Variants in NRCAM observed in about 807,000 individuals in gnomAD.
NRCAM encodes the protein NgCAM-related cell adhesion molecule.
A neutral mutation model predicts 156.5 loss-of-function variants in NRCAM; 83 were observed. The observed-to-expected ratio is 0.53, with a 90% CI of 0.44 to 0.64. The LOEUF is 0.64. Among genes scored for constraint, NRCAM ranks in the 30% least tolerant of loss-of-function variants. The probability of loss-of-function intolerance (pLI) is 0.00; values close to 1 mark genes in which losing one functional copy is unlikely to be tolerated. For missense variants in NRCAM, 1,417 were observed against 1,597.3 expected (o/e 0.89, Z 1.92); for synonymous variants, 538 against 563.9 (o/e 0.95, Z 0.65).
At chr7:108,393,182 G>C (rs1369775096) in intron 2 of NRCAM, among the ~76,000 whole-genome samples, 2 of 152,182 alleles carry the variant, frequency 1.3e-5, no homozygotes, top group Admixed American at 1.3e-4. Flanking sequence ...TACAGAGGCA[G>C]GCAGGCCTCC....
At chr7:108,324,649 G>A in intron 2 of NRCAM, among the ~76,000 whole-genome samples, 1 of 152,150 alleles carries the variant, frequency 6.6e-6, no homozygotes, top group East Asian at 1.9e-4. Context: ...GGGGCTGGGT[G>A]GTAAGGAGGA....
At chr7:108,197,645 T>C (rs1413416816) in intron 14 of NRCAM, among the ~76,000 whole-genome samples, 1 of 152,208 alleles carries the variant, frequency 6.6e-6, no homozygotes, top group African/African-American at 2.4e-5. Flanking sequence ...AGCAATAATA[T>C]TCAGTTGCTA....
chr7:108,408,785 G>A (rs1791599119), intron 1 of NRCAM, among the ~76,000 whole-genome samples: 1 of 152,202 alleles, frequency 6.6e-6, no homozygotes, highest in South Asian at 2.1e-4. Context: ...TCCTCACCAA[G>A]CTGAGCACTC....
intron 25 of NRCAM, among the ~76,000 whole-genome samples, chr7:108,179,013 G>C (rs1054951028): frequency 7.2e-5 from 11 of 152,076 alleles, no homozygotes; most frequent in African/African-American, 2.4e-4. Flanking sequence ...TAGGCCCCTA[G>C]ATGTCTTTGT....
chr7:108,194,303 T>G lies in NRCAM; in HGVS notation c.1589A>C (p.Lys530Thr). The change falls in exon 16 of 33, where the codon AAA (lysine) becomes ACA (threonine). Residue 530 changes from lysine (K) to threonine (T), a missense_variant. By Grantham distance (78) the Lys-to-Thr change is moderately conservative. Transcript: ENST00000379028. Reference sequence around the variant, plus strand: ...AACTTCATTCTTCGCCATCCCTAATTTATTCCTTGCAACACACGTATAAGT... The same window carrying G: ...AACTTCATTCTTCGCCATCCCTAATGTATTCCTTGCAACACACGTATAAGT... The part of the protein sequence containing the change: ...TGTYTCVARN[K>T]LGMAKNEVHL... 5 of 1,613,434 alleles carry G rather than the reference T, an allele frequency of 3.1e-6. No homozygotes were observed. The highest frequency in any genetic ancestry group is 4.2e-6 in the Non-Finnish European group (5 of 1,179,492).
intron 14 of NRCAM, among the ~76,000 whole-genome samples, chr7:108,196,112 CTG>C (rs2074922546): frequency 6.6e-6 from 1 of 152,168 alleles, no homozygotes; most frequent in African/African-American, 2.4e-5. Flanking sequence ...TGTTGATTTA[CTG>C]TGAGTCCACT....
At chr7:108,345,966 T>C (rs2099350823) in intron 2 of NRCAM, among the ~76,000 whole-genome samples, 1 of 152,238 alleles carries the variant, frequency 6.6e-6, no homozygotes, top group African/African-American at 2.4e-5. Context: ...TGCTGTGGGC[T>C]GTAGGAGCCT....
intron 3 of NRCAM, among the ~76,000 whole-genome samples, chr7:108,306,169 T>C (rs1192714531): frequency 6.6e-6 from 1 of 152,148 alleles, no homozygotes; most frequent in African/African-American, 2.4e-5. Context: ...GAATAAAGAA[T>C]CCTCATTGAA....
chr7:108,225,723 G>A (rs766442637), intron 9 of NRCAM, 22 bp from the exon 10 acceptor site: 25 of 1,510,984 alleles, frequency 1.7e-5, no homozygotes, highest in Non-Finnish European at 2.3e-5. Context: ...AGAATATTAT[G>A]AAGAGGGCAT....
Position 108,150,021 on chromosome 7 carries a change from C to T in NRCAM, c.3804G>A (p.Glu1268=). The T allele has an allele frequency of 1.9e-6, 3 of 1,614,080 alleles. No individual in the cohort carries two copies. Among genetic ancestry groups the T allele is most frequent in the Admixed American group, 1.7e-5 (1 of 60,006 alleles). Residue 1268 remains glutamate, a synonymous_variant, in exon 33 of 33, where the codon GAG becomes GAA. Coordinates refer to ENST00000379028, the MANE Select transcript of NRCAM (RefSeq NM_001037132.4). ...TGTATTGTCCAATAAAGGAGCCATC[C>T]TCATTGAACTGGCCATTAACCCCTT... ...YGEGVNGQFN[E]DGSFIGQYSG...
At position 108,317,346 on chromosome 7, in the gene NRCAM, T is replaced by G. The variant is rs1406468231; in HGVS notation, c.-173-4615A>C. On this transcript the variant is annotated intron_variant, in intron 2 of 32. Transcript: ENST00000379028. ...ATAATCTAGGAAGAAGATTTAATTTTAAAATATAAGTGTATTCAGAGCAGT... is the reference window on the plus strand; with the variant it reads ...ATAATCTAGGAAGAAGATTTAATTTGAAAATATAAGTGTATTCAGAGCAGT... 3.6e-4 allele frequency among the ~76,000 whole-genome samples: 55 copies of G among 152,230 alleles called. 1 individual carries two copies.
rs2094265995 is a variant in NRCAM at position 108,231,032 on chromosome 7, A to G, written c.549T>C (p.Asn183=). 2 of 1,602,790 alleles carry G rather than the reference A, an allele frequency of 1.2e-6. No individual in the cohort carries two copies. The highest frequency in any genetic ancestry group is 1.7e-6 in the Non-Finnish European group (2 of 1,171,374). The change falls in exon 8 of 33, where the codon AAT becomes AAC. Residue 183 remains asparagine, a splice_region_variant and synonymous_variant. Transcript: ENST00000379028. The part of the protein sequence containing the change: ...LPPPIIFWMD[N]SFQRLPQSER... ...AAAGTTCATATTATCAAAACTTACA[A>G]TTATCCATCCAAAATATTATAGGTG...
chr7:108,389,467 G>T (rs1392854830), intron 2 of NRCAM, among the ~76,000 whole-genome samples: 1 of 152,160 alleles, frequency 6.6e-6, no homozygotes, highest in Non-Finnish European at 1.5e-5. Context: ...TCAGATGATG[G>T]GGTTTTCTAA....
intron 2 of NRCAM, among the ~76,000 whole-genome samples, chr7:108,386,833 A>G (rs1282098739): frequency 6.6e-6 from 1 of 152,122 alleles, no homozygotes; most frequent in Non-Finnish European, 1.5e-5. Flanking sequence ...AATTTCTAGG[A>G]GGTATCATTT....
chr7:108,183,530 A>C (rs2064762603), intron 22 of NRCAM, among the ~76,000 whole-genome samples: 1 of 151,224 alleles, frequency 6.6e-6, no homozygotes, highest in Admixed American at 6.6e-5. Flanking sequence ...CATGTCTTCC[A>C]GGTGGCTCTT....
rs899797705 is a variant in NRCAM at position 108,324,882 on chromosome 7, T to A, written c.-173-12151A>T. 5.4e-3 allele frequency among the ~76,000 whole-genome samples: 733 copies of A among 136,964 alleles called. 29 individuals are homozygous for A. Among genetic ancestry groups the A allele is most frequent in the African/African-American group, 0.018 (637 of 35,134 alleles). 89.9% of individuals were successfully genotyped at this position (136,964 alleles called of 152,430 possible). A position where few individuals can be genotyped will look rare whatever the true frequency, so the allele number is the denominator to read the frequency against. The stretch of plus-strand genomic sequence containing the variant: ...GTGTAATATTTGGCACTGTACTTTT[T>A]TTTTTTTTTTTTTTTTTTTTTTTAG... On this transcript the variant is annotated intron_variant, in intron 2 of 32. Coordinates refer to ENST00000379028, the MANE Select transcript of NRCAM (RefSeq NM_001037132.4).
Position 108,302,871 on chromosome 7 carries a change from G to C in NRCAM, c.-107+9794C>G, listed in dbSNP as rs1159926178. ...CTGAATATAATTCAAACTCAGTATA[G>C]TATATTCACAATTAGACATATTTTA... On this transcript the variant is annotated intron_variant, in intron 3 of 32. Transcript: ENST00000379028. Among the ~76,000 whole-genome samples the C allele has an allele frequency of 4.6e-5, 7 of 152,168 alleles. No individual in the cohort carries two copies. In the South Asian group the frequency reaches 1.4e-3, roughly 32 times the overall value.
chr7:108,256,598 A>G (rs1334747401), intron 3 of NRCAM, among the ~76,000 whole-genome samples: 2 of 152,154 alleles, frequency 1.3e-5, no homozygotes, highest in Non-Finnish European at 2.9e-5. Flanking sequence ...CCCCTCTCCG[A>G]GAAACACCCA....
At chr7:108,272,564 C>T (rs1210560036) in intron 3 of NRCAM, among the ~76,000 whole-genome samples, 1 of 151,964 alleles carries the variant, frequency 6.6e-6, no homozygotes, top group African/African-American at 2.4e-5. Context: ...GTTCTAGACC[C>T]CACTGGGGGT....
Sources: gnomAD v4.1 joint callset for allele counts (sites outside exome capture counted in the v4.1 genomes callset) on GRCh38, gnomAD v4.1.1 for gene constraint, MANE v1.5 for transcripts, NCBI Gene and HGNC (gene_info 2026-07-23, HGNC 2026-07-21) for gene names.